Variants in LUZP1 observed in about 807,000 individuals in gnomAD.
LUZP1 encodes filamin mechanobinding actin cross-linking protein.
Under a neutral mutation model 71.3 loss-of-function variants are expected in LUZP1, and 25 were observed. The observed-to-expected ratio is 0.35, with a 90% CI of 0.26 to 0.49. The LOEUF is 0.49. Ranked by LOEUF, LUZP1 falls within the 20% of genes least tolerant of loss-of-function variation. LUZP1 has a pLI of 0.99. For synonymous variants in LUZP1, 481 were observed against 506.4 expected (o/e 0.95, Z 0.67); for missense variants, 1,142 against 1,300.8 (o/e 0.88, Z 1.88).
intron 1 of LUZP1, among the ~76,000 whole-genome samples, chr1:23,174,899 C>T (rs973066652): frequency 2.0e-5 from 3 of 152,158 alleles, no homozygotes; most frequent in Non-Finnish European, 4.4e-5. Context: ...TTTCCTCCCT[C>T]ATGTTTCAGG....
At chr1:23,161,775 G>A (rs1038812675) in intron 2 of LUZP1, among the ~76,000 whole-genome samples, 21 of 152,104 alleles carry the variant, frequency 1.4e-4, no homozygotes, top group Non-Finnish European at 2.8e-4. Context: ...TGTAATCCCA[G>A]CACCTTGGGA....
At chr1:23,092,836 G>C in exon 4 of LUZP1, 2 of 1,613,768 alleles carry the variant, frequency 1.2e-6, no homozygotes, top group South Asian at 1.1e-5. Flanking sequence ...GGGGGGTAGC[G>C]ACTCAGCACT....
At chr1:23,091,340 G>A in exon 4 of LUZP1, 2 of 1,614,130 alleles carry the variant, frequency 1.2e-6, no homozygotes, top group Non-Finnish European at 1.7e-6. Flanking sequence ...CCCTTCGAGT[G>A]CCCTGCTCAA....
intron 2 of LUZP1, among the ~76,000 whole-genome samples, chr1:23,158,647 C>CAAAAAAA (rs56919514): frequency 1.0e-3 from 60 of 59,930 alleles, no homozygotes; most frequent in African/African-American, 3.1e-3. Flanking sequence ...GACTCTGTCT[C>CAAAAAAA]AAAAAAAAAA....
chr1:23,163,384 A>C lies in LUZP1; in HGVS notation c.-226+5382T>G, dbSNP rs76064043. ...CAACAAAGCAAAACCCTATCTCTACAAAAAAAAAAAAAATGTTTCTTAATT... is the reference window on the plus strand; with the variant it reads ...CAACAAAGCAAAACCCTATCTCTACCAAAAAAAAAAAAATGTTTCTTAATT... On this transcript the variant is annotated intron_variant, in intron 2 of 4. Transcript: ENST00000302291. Among the ~76,000 whole-genome samples, 3 of 96,322 alleles carry C rather than the reference A, an allele frequency of 3.1e-5. No homozygotes were observed. In the South Asian group the frequency reaches 8.5e-4, roughly 27 times the overall value. 63.2% of individuals were successfully genotyped at this position (96,322 alleles called of 152,430 possible).
exon 4 of LUZP1, chr1:23,092,502 C>T (rs753682183): frequency 6.2e-7 from 1 of 1,614,178 alleles, no homozygotes; most frequent in Admixed American, 1.7e-5. Context: ...AGCCTCAAGG[C>T]CATTGGCAGC....
chr1:23,115,070 C>T (rs886620239), intron 2 of LUZP1, among the ~76,000 whole-genome samples: 12 of 152,110 alleles, frequency 7.9e-5, no homozygotes, highest in African/African-American at 2.9e-4. Context: ...ATTATTCAAA[C>T]TTTTTTAATA....
chr1:23,139,045 T>TATATATATACAC (rs1389415209), intron 2 of LUZP1, among the ~76,000 whole-genome samples: 3 of 119,742 alleles, frequency 2.5e-5, no homozygotes. Flanking sequence ...TATATATATA[T>TATATATATACAC]ACACACATCA....
intron 2 of LUZP1, among the ~76,000 whole-genome samples, chr1:23,142,985 A>G (rs1644316735): frequency 6.6e-6 from 1 of 151,496 alleles, no homozygotes; most frequent in Non-Finnish European, 1.5e-5. Flanking sequence ...CCTGGGCTAC[A>G]TGGTAAGACT....
intron 2 of LUZP1, among the ~76,000 whole-genome samples, chr1:23,161,297 T>C (rs1644462387): frequency 6.6e-6 from 1 of 152,048 alleles, no homozygotes; most frequent in South Asian, 2.1e-4. Flanking sequence ...AAGCCAGTAA[T>C]AGGGAATAAT....
At chr1:23,173,712 T>C (rs1644566608) in intron 1 of LUZP1, among the ~76,000 whole-genome samples, 3 of 152,104 alleles carry the variant, frequency 2.0e-5, no homozygotes, top group Admixed American at 2.0e-4. Context: ...GACTTTGCTA[T>C]GGAGGGGAAA....
chr1:23,152,206 CTCTA>C (rs1351808496), intron 2 of LUZP1, among the ~76,000 whole-genome samples: 2 of 152,206 alleles, frequency 1.3e-5, no homozygotes, highest in Non-Finnish European at 2.9e-5. Context: ...AAAAAGTCCT[CTCTA>C]TCTAACAGTT....
chr1:23,146,933 T>C (rs1367709018), intron 2 of LUZP1, among the ~76,000 whole-genome samples: 1 of 150,638 alleles, frequency 6.6e-6, no homozygotes, highest in Non-Finnish European at 1.5e-5. Context: ...CCATCTCTAC[T>C]AAAAATACAA....
intron 3 of LUZP1, among the ~76,000 whole-genome samples, chr1:23,097,953 C>A (rs1297986465): frequency 6.6e-6 from 1 of 152,174 alleles, no homozygotes; most frequent in Non-Finnish European, 1.5e-5. Flanking sequence ...ATGGAGATGA[C>A]CGCAGATGGA....
chr1:23,090,537 G>A (rs1440313669), intron 4 of LUZP1: 3 of 276,032 alleles, frequency 1.1e-5, no homozygotes, highest in Non-Finnish European at 2.0e-5. Context: ...ACATAAGGCA[G>A]GTGGTTCTGG....
intron 3 of LUZP1, among the ~76,000 whole-genome samples, chr1:23,097,422 A>T (rs1216745519): frequency 2.0e-5 from 3 of 152,232 alleles, no homozygotes; most frequent in African/African-American, 2.4e-5. Context: ...GTTATGGCCT[A>T]GACCAGGATG....
chr1:23,173,350 CTTTTTTTTTT>C (rs869169060), intron 1 of LUZP1, among the ~76,000 whole-genome samples: 3 of 80,358 alleles, frequency 3.7e-5, no homozygotes, highest in African/African-American at 4.9e-5. Flanking sequence ...TTTGTTTTTT[CTTTTTTTTTT>C]TTTTTTTTTT....
intron 3 of LUZP1, among the ~76,000 whole-genome samples, chr1:23,105,343 T>C (rs1011189958): frequency 6.6e-5 from 10 of 152,210 alleles, no homozygotes; most frequent in Admixed American, 6.5e-5. Context: ...CCAAATAAAC[T>C]GTTAAATCTC....
In LUZP1 at chr1:23,090,661, G is replaced by A. The variant is rs75836551; in HGVS notation, c.3072+529C>T. ...AAGTGTCACTTGGAATTGGGTATAC[G>A]CTTATCTAAAATAGGCCCAGTGTAA... is the stretch of plus-strand genomic sequence containing the variant. On this transcript the variant is annotated intron_variant, in intron 4 of 4. Transcript: ENST00000302291. 6.8e-3 allele frequency: 4,027 copies of A among 595,728 alleles called. 156 individuals carry two copies. The East Asian group carries it at 0.085, about 13-fold the overall frequency. 36.9% of individuals were successfully genotyped at this position (595,728 alleles called of 1,614,324 possible). A position where few individuals can be genotyped will look rare whatever the true frequency, so the allele number is the denominator to read the frequency against.
Sources: gnomAD v4.1 joint callset for allele counts (sites outside exome capture counted in the v4.1 genomes callset) on GRCh38, gnomAD v4.1.1 for gene constraint, MANE v1.5 for transcripts, NCBI Gene and HGNC (gene_info 2026-07-23, HGNC 2026-07-21) for gene names.